The following ADAMTS16 variants were observed in gnomAD, a reference collection of about 807,000 sequenced individuals.
The protein encoded by ADAMTS16 is ADAM metallopeptidase with thrombospondin type 1 motif 16.
ADAMTS16 carries 94 observed loss-of-function variants against 145.8 expected under a neutral mutation model. The observed-to-expected ratio is 0.64, with a 90% CI of 0.55 to 0.77. The LOEUF is 0.77. ADAMTS16 is among the 30% of genes least tolerant of loss of function. The probability of loss-of-function intolerance (pLI) is 0.00; values close to 1 mark genes in which losing one functional copy is unlikely to be tolerated. For synonymous variants in ADAMTS16, 659 were observed against 604.3 expected (o/e 1.09, Z -1.33); for missense variants, 1,585 against 1,591.5 (o/e 1.00, Z 0.07).
chr5:5,209,379 C>A, intron 10 of ADAMTS16, 133 bp downstream of exon 10: 1 of 1,061,776 alleles, frequency 9.4e-7, no homozygotes. Flanking sequence ...AAGGCTGGTC[C>A]TGTATAACGG....
At chr5:5,236,664 T>C (rs1737116957) in intron 13 of ADAMTS16, among the ~76,000 whole-genome samples, 1 of 152,128 alleles carries the variant, frequency 6.6e-6, no homozygotes, top group Non-Finnish European at 1.5e-5. Context: ...ACTAGTGAAA[T>C]AGTAAAGCAT....
chr5:5,274,694 A>C (rs574860253), intron 18 of ADAMTS16, among the ~76,000 whole-genome samples: 1 of 149,406 alleles, frequency 6.7e-6, no homozygotes, highest in African/African-American at 2.5e-5. Context: ...ACATATATAC[A>C]TATATATACA....
chr5:5,248,633 G>A (rs1297008185), intron 17 of ADAMTS16, among the ~76,000 whole-genome samples: 1 of 152,190 alleles, frequency 6.6e-6, no homozygotes, highest in Non-Finnish European at 1.5e-5. Context: ...ATTAGTCAGA[G>A]AAATAATACC....
chr5:5,224,200 T>C (rs1736687666), intron 11 of ADAMTS16, among the ~76,000 whole-genome samples: 1 of 152,204 alleles, frequency 6.6e-6, no homozygotes, highest in Non-Finnish European at 1.5e-5. Context: ...AATTGATCAT[T>C]GAATTCTTCT....
In ADAMTS16 at chr5:5,161,078, T is replaced by A. The variant is rs1265587402; in HGVS notation, c.501+14623T>A. Among the ~76,000 whole-genome samples, 4 of 152,238 alleles carry A rather than the reference T, an allele frequency of 2.6e-5. No individual in the cohort carries two copies. In the East Asian group the frequency reaches 7.7e-4, roughly 29 times the overall value. ...TACATATACACTAGTTTATTACCTATATTTTTGTATGCACATGGCATTATC... is the reference window on the plus strand; with the variant it reads ...TACATATACACTAGTTTATTACCTAAATTTTTGTATGCACATGGCATTATC... On this transcript the variant is annotated intron_variant, in intron 3 of 22. Transcript: ENST00000274181.
rs369132302 is a variant in ADAMTS16 at position 5,317,490 on chromosome 5, GT to G, written c.3412-642del. 5.6e-3 allele frequency among the ~76,000 whole-genome samples: 851 copies of G among 152,136 alleles called. 11 individuals carry two copies. The highest frequency in any genetic ancestry group is 0.02 in the African/African-American group (824 of 41,484). On this transcript the variant is annotated intron_variant, in intron 21 of 22. Coordinates refer to ENST00000274181, the MANE Select transcript of ADAMTS16 (RefSeq NM_139056.4). The surrounding 1 kb of genome is among the most constrained non-coding windows in gnomAD (Gnocchi z 4.5). ...GCTCACTGCAACCTCTGCCTCCCAGGTTCAGGCGATTCTCATGCCTCAGCTT... is the reference window on the plus strand; with the variant it reads ...GCTCACTGCAACCTCTGCCTCCCAGGTCAGGCGATTCTCATGCCTCAGCTT...
At chr5:5,157,492 A>G (rs1579277635) in intron 3 of ADAMTS16, among the ~76,000 whole-genome samples, 1 of 152,144 alleles carries the variant, frequency 6.6e-6, no homozygotes, top group East Asian at 1.9e-4. Context: ...AAATATGGTA[A>G]TAAAATAATA....
rs529138456 is a variant in ADAMTS16 at position 5,319,413 on chromosome 5, A to G, written c.*275A>G. 1.9e-5 allele frequency: 9 copies of G among 472,858 alleles called. 2 individuals are homozygous for G. The highest frequency in any genetic ancestry group is 1.6e-4 in the African/African-American group (8 of 51,122). The allele number at this position is 472,858 out of a possible 1,614,324, so 29.3% of individuals were successfully genotyped here. On this transcript the variant is annotated 3_prime_UTR_variant, in exon 23 of 23. Coordinates refer to ENST00000274181, the MANE Select transcript of ADAMTS16 (RefSeq NM_139056.4). Reference sequence around the variant, plus strand: ...TCGTGAGGCAGAAGGCAGGCACCACAACGGGAGAGGCAGCACTCACCCCTG... The same window carrying G: ...TCGTGAGGCAGAAGGCAGGCACCACGACGGGAGAGGCAGCACTCACCCCTG...
intron 14 of ADAMTS16, 152 bp downstream of exon 14, chr5:5,237,251 A>T (rs1024317040): frequency 1.3e-6 from 1 of 774,488 alleles, no homozygotes; most frequent in African/African-American, 1.8e-5. Context: ...GAACACATTG[A>T]TGACATGCTG....
At chr5:5,237,248 T>C in intron 14 of ADAMTS16, 149 bp downstream of exon 14, 2 of 781,362 alleles carry the variant, frequency 2.6e-6, no homozygotes, top group Non-Finnish European at 4.0e-6. Context: ...GAAGAACACA[T>C]TGATGACATG....
chr5:5,264,270 C>T (rs1036798183), intron 18 of ADAMTS16, among the ~76,000 whole-genome samples: 1 of 152,148 alleles, frequency 6.6e-6, no homozygotes, highest in Non-Finnish European at 1.5e-5. Flanking sequence ...CACAGGGGAC[C>T]TGCCCCTGTC....
intron 17 of ADAMTS16, among the ~76,000 whole-genome samples, chr5:5,260,763 G>GACTA (rs1737984846): frequency 6.6e-6 from 1 of 152,176 alleles, no homozygotes; most frequent in South Asian, 2.1e-4. Flanking sequence ...CACTCCTTTT[G>GACTA]ACTAAGAAGC....
chr5:5,302,458 T>C (rs1739823835), intron 18 of ADAMTS16, among the ~76,000 whole-genome samples: 1 of 151,778 alleles, frequency 6.6e-6, no homozygotes, highest in South Asian at 2.1e-4. Context: ...AACCAACCAC[T>C]AAAGAATGAA....
At chr5:5,220,569 G>A (rs1560954846) in intron 10 of ADAMTS16, among the ~76,000 whole-genome samples, 3 of 152,268 alleles carry the variant, frequency 2.0e-5, no homozygotes, top group Admixed American at 2.0e-4. Context: ...CCACACGGCA[G>A]AGCCCTGAAC....
intron 21 of ADAMTS16, among the ~76,000 whole-genome samples, chr5:5,315,271 G>T (rs1277145015): frequency 6.6e-6 from 1 of 152,144 alleles, no homozygotes; most frequent in African/African-American, 2.4e-5. Flanking sequence ...CTGCCCTCCT[G>T]GTCATGCGGG....
chr5:5,311,752 ATGGAGTCTCACTT>A (rs1414364301), intron 21 of ADAMTS16, among the ~76,000 whole-genome samples: 1 of 146,320 alleles, frequency 6.8e-6, no homozygotes, highest in East Asian at 2.0e-4. Flanking sequence ...TTTTTTTGAG[ATGGAGTCTCACTT>A]TGTCACCCAG....
rs368796186 is a variant in ADAMTS16, at chr5:5,190,138, C to T, written c.1207+8C>T. On this transcript the variant is annotated splice_region_variant and intron_variant, in intron 7 of 22. Transcript: ENST00000274181. ...AGCCCTGTGACACTTTGGGTGAGAACCTCCAGCAGAGTGTGAGGACCGTGT... is the reference window on the plus strand; with the variant it reads ...AGCCCTGTGACACTTTGGGTGAGAATCTCCAGCAGAGTGTGAGGACCGTGT... The T allele has an allele frequency of 3.2e-6, 5 of 1,579,902 alleles. No individual in the cohort carries two copies. Among genetic ancestry groups the T allele is most frequent in the Non-Finnish European group, 4.3e-6 (5 of 1,162,878 alleles).
chr5:5,232,598 CTCTT>C, intron 12 of ADAMTS16, 82 bp downstream of exon 12: 5 of 1,241,530 alleles, frequency 4.0e-6, no homozygotes, highest in East Asian at 2.7e-5. Flanking sequence ...TGTGTCTCAG[CTCTT>C]TTTTTTTTTT....
chr5:5,254,535 A>T (rs1268915918), intron 17 of ADAMTS16, among the ~76,000 whole-genome samples: 1 of 152,198 alleles, frequency 6.6e-6, no homozygotes, highest in Non-Finnish European at 1.5e-5. Context: ...ACAAACTCAT[A>T]CAAATATTCA....
Sources: gnomAD v4.1 joint callset for allele counts (sites outside exome capture counted in the v4.1 genomes callset) on GRCh38, gnomAD v4.1.1 for gene constraint, Gnocchi (gnomAD v3.1) non-coding constraint, MANE v1.5 for transcripts, NCBI Gene and HGNC (gene_info 2026-07-23, HGNC 2026-07-21) for gene names.